LPCAT1: variants seen among roughly 807,000 people sequenced by gnomAD.
LPCAT1 encodes 1-acylglycerol-3-phosphate O-acyltransferase.
A neutral mutation model predicts 60.9 loss-of-function variants in LPCAT1; 23 were observed. That is an observed-to-expected ratio of 0.38 (90% CI 0.27 to 0.53). The LOEUF is 0.53. Among genes scored for constraint, LPCAT1 ranks in the 20% least tolerant of loss-of-function variants. The pLI, the probability that LPCAT1 is intolerant of heterozygous loss-of-function variation, is 0.82. For missense variants in LPCAT1, 622 were observed against 723.6 expected (o/e 0.86, Z 1.61); for synonymous variants, 340 against 301.1 (o/e 1.13, Z -1.34).
At chr5:1,474,785 G>A (rs1734833516) in intron 9 of LPCAT1, 100 bp from the exon 10 acceptor site, 2 of 1,453,756 alleles carry the variant, frequency 1.4e-6, no homozygotes, top group African/African-American at 2.8e-5. Context: ...GAGGAGGGCT[G>A]AGGAGAGGCA....
chr5:1,508,020 T>A (rs560150332), intron 1 of LPCAT1, among the ~76,000 whole-genome samples: 1 of 152,320 alleles, frequency 6.6e-6, no homozygotes, highest in East Asian at 1.9e-4. Flanking sequence ...CCCCTCCACC[T>A]TGCGAGGACA....
chr5:1,499,782 C>T (rs757685067), intron 2 of LPCAT1, among the ~76,000 whole-genome samples: 4 of 152,208 alleles, frequency 2.6e-5, no homozygotes, highest in Non-Finnish European at 2.9e-5. Flanking sequence ...GCGGCAAACC[C>T]GGGACCCTAA....
intron 8 of LPCAT1, 128 bp downstream of exon 8, chr5:1,479,493 C>T (rs997340907): frequency 3.8e-5 from 28 of 727,586 alleles, no homozygotes; most frequent in East Asian, 1.0e-4. Flanking sequence ...CCCTGAGAAA[C>T]GGAAAGATGG....
In LPCAT1 at chr5:1,477,492, C is replaced by T. The variant is rs1437704664; in HGVS notation, c.817-6G>A. On this transcript the variant is annotated splice_region_variant and splice_polypyrimidine_tract_variant and intron_variant, in intron 8 of 13. Coordinates refer to ENST00000283415, the MANE Select transcript of LPCAT1 (RefSeq NM_024830.5). This position sits in a 1 kb window ranked among gnomAD's most constrained non-coding sequence, Gnocchi z 6.0. ...GGGCTGTACACAGGAAGGAACTGAG[C>T]ACACAGAGAAGCTGCGTTAGTATCA... 1 of 1,609,466 alleles carries T rather than the reference C, an allele frequency of 6.2e-7. No individual in the cohort carries two copies. The highest frequency in any genetic ancestry group is 1.1e-5 in the South Asian group (1 of 90,928).
intron 1 of LPCAT1, among the ~76,000 whole-genome samples, chr5:1,511,076 G>T (rs1736341248): frequency 6.6e-6 from 1 of 152,192 alleles, no homozygotes. Context: ...AGAAAACCCT[G>T]GGCCCCTAAG....
Position 1,474,104 on chromosome 5 carries a change from T to C in LPCAT1, c.1032A>G (p.Lys344=), listed in dbSNP as rs749350116. Residue 344 remains lysine, a synonymous_variant, in exon 11 of 14, where the codon AAA becomes AAG. Transcript: ENST00000283415. ...CCAGATCTTTTTCAAGCTTTTCTGG[T>C]TTTAGCCTAGACAAAAAAAGAGGGA... The part of the protein sequence containing the change: ...FARLVRGLGL[K]PEKLEKDLDR... 1 of 1,609,632 alleles carries C rather than the reference T, an allele frequency of 6.2e-7. No individual in the cohort carries two copies. Among genetic ancestry groups the C allele is most frequent in the Non-Finnish European group, 8.5e-7 (1 of 1,178,646 alleles).
chr5:1,509,662 T>C (rs1736295316), intron 1 of LPCAT1, among the ~76,000 whole-genome samples: 1 of 152,170 alleles, frequency 6.6e-6, no homozygotes, highest in African/African-American at 2.4e-5. Context: ...AACGCCCTCC[T>C]TTTCTGTCTC....
At chr5:1,484,650 A>C in intron 5 of LPCAT1, among the ~76,000 whole-genome samples, 1 of 152,126 alleles carries the variant, frequency 6.6e-6, no homozygotes, top group Non-Finnish European at 1.5e-5. Flanking sequence ...ATCTGTCCCT[A>C]GGGCCAATTC....
At position 1,522,728 on chromosome 5, in the gene LPCAT1, G is replaced by T. The variant is rs1016453175; in HGVS notation, c.135+982C>A. Among the ~76,000 whole-genome samples, 1 of 152,154 alleles carries T rather than the reference G, an allele frequency of 6.6e-6. No individual in the cohort carries two copies. Among genetic ancestry groups the T allele is most frequent in the Admixed American group, 6.5e-5 (1 of 15,280 alleles). On this transcript the variant is annotated intron_variant, in intron 1 of 13. Transcript: ENST00000283415. This position sits in a 1 kb window ranked among gnomAD's most constrained non-coding sequence, Gnocchi z 6.8. Reference sequence around the variant, plus strand: ...GAAATCTATTCTCACAATTGGAAGCGTGCTCCCTACAAACCGGACAGCCCC... The same window carrying T: ...GAAATCTATTCTCACAATTGGAAGCTTGCTCCCTACAAACCGGACAGCCCC...
At chr5:1,464,651 A>G (rs1734255694) in intron 13 of LPCAT1, among the ~76,000 whole-genome samples, 1 of 151,754 alleles carries the variant, frequency 6.6e-6, no homozygotes. Flanking sequence ...GTGCACACAC[A>G]CACACACAAA....
Position 1,476,705 on chromosome 5 carries a change from G to A in LPCAT1, c.899+699C>T, listed in dbSNP as rs1020240940. Among the ~76,000 whole-genome samples, 2 of 152,130 alleles carry A rather than the reference G, an allele frequency of 1.3e-5. No homozygotes were observed. Among genetic ancestry groups the A allele is most frequent in the Non-Finnish European group, 2.9e-5 (2 of 68,022 alleles). ...CTTTGCAGGAGGAAGCACTAGGGAGGCATTCACGTGGGGGTAAATCCAGGT... is the reference window on the plus strand; with the variant it reads ...CTTTGCAGGAGGAAGCACTAGGGAGACATTCACGTGGGGGTAAATCCAGGT... On this transcript the variant is annotated intron_variant, in intron 9 of 13. Coordinates refer to ENST00000283415, the MANE Select transcript of LPCAT1 (RefSeq NM_024830.5). The surrounding 1 kb of genome is among the most constrained non-coding windows in gnomAD (Gnocchi z 8.6).
Position 1,463,693 on chromosome 5 carries a change from G to C in LPCAT1, c.1563C>G (p.Asn521Lys), listed in dbSNP as rs1734203042. ...NGFCADFSPE[N>K]SDAGRKPVRK... The stretch of plus-strand genomic sequence containing the variant: ...GAACAGGCTTCCGCCCAGCGTCTGA[G>C]TTTTCCGGGCTGAAATCGGCACAGA... The change falls in exon 14 of 14, where the codon AAC becomes AAG. Residue 521 changes from asparagine (N) to lysine (K), a missense_variant. Physicochemically the swap from Asn to Lys is moderately conservative, Grantham distance 94 (BLOSUM62 0). Coordinates refer to ENST00000283415, the MANE Select transcript of LPCAT1 (RefSeq NM_024830.5). The C allele has an allele frequency of 6.2e-7, 1 of 1,614,144 alleles. No individual in the cohort carries two copies. Among genetic ancestry groups the C allele is most frequent in the South Asian group, 1.1e-5 (1 of 91,094 alleles).
In LPCAT1 at chr5:1,495,830, C is replaced by A. The variant is rs1221845279; in HGVS notation, c.279-916G>T. Among the ~76,000 whole-genome samples, 1 of 152,196 alleles carries A rather than the reference C, an allele frequency of 6.6e-6. No individual in the cohort carries two copies. The highest frequency in any genetic ancestry group is 1.5e-5 in the Non-Finnish European group (1 of 68,032). On this transcript the variant is annotated intron_variant, in intron 2 of 13. Coordinates refer to ENST00000283415, the MANE Select transcript of LPCAT1 (RefSeq NM_024830.5). This position sits in a 1 kb window ranked among gnomAD's most constrained non-coding sequence, Gnocchi z 4.7. ...ACATTGCCCTGGGACAGATGATCCTCCCAGAAGACTTCCAGGACAGGGGTC... is the reference window on the plus strand; with the variant it reads ...ACATTGCCCTGGGACAGATGATCCTACCAGAAGACTTCCAGGACAGGGGTC...
Position 1,483,354 on chromosome 5 carries a change from GCA to G in LPCAT1, c.726+72_726+73del. The stretch of plus-strand genomic sequence containing the variant: ...GGTGTGGAGAGACAGAGACACAGGT[GCA>G]CAGAGGCAGCTCGCAGTTCCCGTTT... On this transcript the variant is annotated intron_variant, in intron 6 of 13. Coordinates refer to ENST00000283415, the MANE Select transcript of LPCAT1 (RefSeq NM_024830.5). The surrounding 1 kb of genome is among the most constrained non-coding windows in gnomAD (Gnocchi z 9.2). 2.3e-5 allele frequency: 33 copies of G among 1,438,814 alleles called. No homozygotes were observed. The highest frequency in any genetic ancestry group is 3.1e-5 in the Non-Finnish European group (32 of 1,020,892). 89.1% of individuals were successfully genotyped at this position (1,438,814 alleles called of 1,614,324 possible).
chr5:1,463,800 A>C lies in LPCAT1; in HGVS notation c.1456T>G (p.Phe486Val). The C allele has an allele frequency of 6.2e-7, 1 of 1,614,272 alleles. No homozygotes were observed. The highest frequency in any genetic ancestry group is 8.5e-7 in the Non-Finnish European group (1 of 1,180,046). Residue 486 changes from phenylalanine to valine, a missense_variant, in exon 14 of 14, where the codon TTC (phenylalanine) becomes GTC (valine). Phe to Val is a conservative substitution (Grantham distance 50). Coordinates refer to ENST00000283415, the MANE Select transcript of LPCAT1 (RefSeq NM_024830.5). The part of the protein sequence containing the change: ...FHRFAEMYPA[F>V]AEEYLYPDQT... ...TCCGGGTACAGGTATTCCTCTGCGAAGGCAGGGTACATTTCTGCAAACCTG... is the reference window on the plus strand; with the variant it reads ...TCCGGGTACAGGTATTCCTCTGCGACGGCAGGGTACATTTCTGCAAACCTG...
chr5:1,470,753 G>A (rs1043698659), intron 12 of LPCAT1, 73 bp downstream of exon 12: 21 of 1,151,168 alleles, frequency 1.8e-5, no homozygotes, highest in East Asian at 1.5e-4. Flanking sequence ...AGGAACTAGA[G>A]AAATGAACAA....
chr5:1,468,234 C>T (rs1008442870), intron 12 of LPCAT1, among the ~76,000 whole-genome samples: 1 of 152,258 alleles, frequency 6.6e-6, no homozygotes, highest in Non-Finnish European at 1.5e-5. Flanking sequence ...CCCTGGGCCT[C>T]ATCCCACAGC....
rs985460844 is a variant in LPCAT1, at chr5:1,502,328, G to C, written c.136-725C>G. 6.6e-6 allele frequency among the ~76,000 whole-genome samples: 1 copy of C among 152,192 alleles called. No homozygotes were observed. On this transcript the variant is annotated intron_variant, in intron 1 of 13. Transcript: ENST00000283415. The surrounding 1 kb of genome is among the most constrained non-coding windows in gnomAD (Gnocchi z 5.5). Reference sequence around the variant, plus strand: ...AGTTTCCCCTGAAATCGTTTATGTGGACATGAGAAAGCATACGCCACCCTA... The same window carrying C: ...AGTTTCCCCTGAAATCGTTTATGTGCACATGAGAAAGCATACGCCACCCTA...
In LPCAT1 at chr5:1,474,056, C is replaced by T; in HGVS notation, c.1080G>A (p.Arg360=). 6.2e-7 allele frequency: 1 copy of T among 1,614,224 alleles called. No homozygotes were observed. Among genetic ancestry groups the T allele is most frequent in the South Asian group, 1.1e-5 (1 of 91,086 alleles). Residue 360 remains arginine, a synonymous_variant, in exon 11 of 14, where the codon AGG becomes AGA. Coordinates refer to ENST00000283415, the MANE Select transcript of LPCAT1 (RefSeq NM_024830.5). ...TACCTATCTTCTCTCCTCCCTTCATCCTGGCTCTTTCTGAGTATCTGTCCA... is the reference window on the plus strand; with the variant it reads ...TACCTATCTTCTCTCCTCCCTTCATTCTGGCTCTTTCTGAGTATCTGTCCA... ...KDLDRYSERA[R]MKGGEKIGIA...
Sources: gnomAD v4.1 joint callset for allele counts (sites outside exome capture counted in the v4.1 genomes callset) on GRCh38, gnomAD v4.1.1 for gene constraint, Gnocchi (gnomAD v3.1) non-coding constraint, MANE v1.5 for transcripts, NCBI Gene and HGNC (gene_info 2026-07-23, HGNC 2026-07-21) for gene names.